Variants in SF3A3 observed in about 807,000 individuals in gnomAD.
SF3A3 encodes the protein SAP 61.
Under a neutral mutation model 85.8 loss-of-function variants are expected in SF3A3, and 9 were observed. That is an observed-to-expected ratio of 0.10 (90% CI 0.06 to 0.18). The LOEUF (loss-of-function observed/expected upper bound fraction) is 0.18, where lower values mean the gene tolerates loss of function less well. Among genes scored for constraint, SF3A3 ranks in the 10% least tolerant of loss-of-function variants. The pLI, the probability that SF3A3 is intolerant of heterozygous loss-of-function variation, is 1.00. For missense variants in SF3A3, 306 were observed against 593.3 expected (o/e 0.52, Z 5.03); for synonymous variants, 195 against 204.4 (o/e 0.95, Z 0.39).
chr1:37,967,917 T>G (rs567644282), intron 15 of SF3A3, 127 bp downstream of exon 15: 2 of 667,912 alleles, frequency 3.0e-6, no homozygotes, highest in Admixed American at 2.3e-5. Context: ...ATTATACAAC[T>G]GTCCTAGATT....
chr1:37,989,501 T>C, intron 2 of SF3A3, 47 bp downstream of exon 2: 2 of 1,600,988 alleles, frequency 1.2e-6, no homozygotes, highest in Non-Finnish European at 1.7e-6. Context: ...CCCCTCTCTT[T>C]TCCCGCCCTC....
chr1:37,981,683 T>C (rs1188740731), intron 7 of SF3A3, 46 bp downstream of exon 7: 1 of 1,189,820 alleles, frequency 8.4e-7, no homozygotes, highest in South Asian at 1.3e-5. Context: ...CTTCACATTA[T>C]CTTCTAATCA....
intron 12 of SF3A3, among the ~76,000 whole-genome samples, chr1:37,974,406 C>T (rs1204780948): frequency 4.7e-5 from 7 of 149,796 alleles, no homozygotes; most frequent in African/African-American, 1.5e-4. Context: ...GGGTTCATGC[C>T]ATTCTCCTGC....
intron 15 of SF3A3, among the ~76,000 whole-genome samples, chr1:37,967,258 CA>C (rs1381059665): frequency 2.2e-5 from 3 of 138,956 alleles, no homozygotes; most frequent in Non-Finnish European, 4.7e-5. Flanking sequence ...GTCTCAGAAA[CA>C]AAGGCTGGGC....
At chr1:37,959,544 GACT>G (rs1418439631) in intron 16 of SF3A3, among the ~76,000 whole-genome samples, 13 of 152,004 alleles carry the variant, frequency 8.6e-5, no homozygotes, top group Non-Finnish European at 4.4e-5. Context: ...AATTAGCTGG[GACT>G]ACTAGCATGC....
chr1:37,957,270 A>G lies in SF3A3; in HGVS notation c.*916T>C, dbSNP rs750307585. 13 of 152,090 alleles carry G rather than the reference A, an allele frequency of 8.5e-5. No individual in the cohort carries two copies. The highest frequency in any genetic ancestry group is 7.2e-4 in the Admixed American group (11 of 15,262). The allele number at this position is 152,090 out of a possible 1,614,324, so 9.4% of individuals were successfully genotyped here. A position where few individuals can be genotyped will look rare whatever the true frequency, so the allele number is the denominator to read the frequency against. ...GGGATCTTGTAGAAGAAACAGGTAG[A>G]CAGACCCACCAGTCTCTCATTCTGA... On this transcript the variant is annotated 3_prime_UTR_variant, in exon 17 of 17. Coordinates refer to ENST00000373019, the MANE Select transcript of SF3A3 (RefSeq NM_006802.4).
intron 1 of SF3A3, 136 bp downstream of exon 1, chr1:37,989,734 G>T: frequency 8.0e-7 from 1 of 1,243,188 alleles, no homozygotes; most frequent in Non-Finnish European, 1.1e-6. Flanking sequence ...CCGGGAGGAG[G>T]TTACCAAGAC....
chr1:37,974,451 C>T (rs1460835900), intron 12 of SF3A3, among the ~76,000 whole-genome samples: 1 of 151,846 alleles, frequency 6.6e-6, no homozygotes, highest in African/African-American at 2.4e-5. Flanking sequence ...TACAGATGCC[C>T]GCCACTATGC....
At position 37,974,094 on chromosome 1, in the gene SF3A3, C is replaced by T. The variant is rs565833056; in HGVS notation, c.1005+2790G>A. Reference sequence around the variant, plus strand: ...CGGGACCTGTTGTGGGGTTGGAGGACGGGGGAGGGATAGCATTAGGAGATA... The same window carrying T: ...CGGGACCTGTTGTGGGGTTGGAGGATGGGGGAGGGATAGCATTAGGAGATA... On this transcript the variant is annotated intron_variant, in intron 12 of 16. Coordinates refer to ENST00000373019, the MANE Select transcript of SF3A3 (RefSeq NM_006802.4). Among the ~76,000 whole-genome samples, 43 of 151,550 alleles carry T rather than the reference C, an allele frequency of 2.8e-4. 1 individual carries two copies. The South Asian group carries it at 6.1e-3, about 21-fold the overall frequency.
intron 16 of SF3A3, among the ~76,000 whole-genome samples, chr1:37,958,465 T>G (rs1356762122): frequency 1.3e-5 from 2 of 152,210 alleles, no homozygotes; most frequent in African/African-American, 4.8e-5. Flanking sequence ...CCGTGTGCAA[T>G]GAATTAACTT....
At position 37,990,008 on chromosome 1, in the gene SF3A3, C is replaced by G. The variant is rs1487663195; in HGVS notation, c.-43G>C. On this transcript the variant is annotated 5_prime_UTR_variant, in exon 1 of 17. Coordinates refer to ENST00000373019, the MANE Select transcript of SF3A3 (RefSeq NM_006802.4). ...TTCTCAATTCAGACCACCAACACGG[C>G]CGGAAGCAACTCCTGCCGCCCAGCG... is the stretch of plus-strand genomic sequence containing the variant. The G allele has an allele frequency of 1.4e-6, 2 of 1,445,956 alleles. No individual in the cohort carries two copies. Among genetic ancestry groups the G allele is most frequent in the Non-Finnish European group, 1.9e-6 (2 of 1,036,726 alleles). The allele number at this position is 1,445,956 out of a possible 1,614,324, so 89.6% of individuals were successfully genotyped here. A position where few individuals can be genotyped will look rare whatever the true frequency, so the allele number is the denominator to read the frequency against.
At chr1:37,987,072 A>G (rs1423812256) in intron 4 of SF3A3, among the ~76,000 whole-genome samples, 1 of 151,768 alleles carries the variant, frequency 6.6e-6, no homozygotes, top group Non-Finnish European at 1.5e-5. Flanking sequence ...TGCCCACAAA[A>G]TGTGGCCTTG....
At chr1:37,968,467 G>A (rs1439712995) in intron 14 of SF3A3, among the ~76,000 whole-genome samples, 1 of 152,150 alleles carries the variant, frequency 6.6e-6, no homozygotes, top group African/African-American at 2.4e-5. Context: ...ACTTACCAAA[G>A]CCCCAGCAAC....
intron 12 of SF3A3, among the ~76,000 whole-genome samples, 161 bp downstream of exon 12, chr1:37,976,723 T>A (rs868745720): frequency 2.0e-5 from 3 of 152,284 alleles, no homozygotes; most frequent in Non-Finnish European, 4.4e-5. Context: ...AATAGGAACT[T>A]ACTGAAGAGC....
chr1:37,989,483 C>A, intron 2 of SF3A3, 65 bp downstream of exon 2: 1 of 1,566,382 alleles, frequency 6.4e-7, no homozygotes, highest in Admixed American at 1.8e-5. Context: ...AGACACCGCA[C>A]TTCACTTCCC....
rs536064092 is a variant in SF3A3 at position 37,978,654 on chromosome 1, G to T, written c.935+66C>A. 212 of 1,045,576 alleles carry T rather than the reference G, an allele frequency of 2.0e-4. 1 individual carries two copies. The highest frequency in any genetic ancestry group is 5.5e-5 in the Non-Finnish European group (39 of 709,004). The allele number at this position is 1,045,576 out of a possible 1,614,324, so 64.8% of individuals were successfully genotyped here. Reference sequence around the variant, plus strand: ...AGCAGGCTTTAAAGTCTCCACTGTGGTTAAAAATTCTGCATGGGAATAACA... The same window carrying T: ...AGCAGGCTTTAAAGTCTCCACTGTGTTTAAAAATTCTGCATGGGAATAACA... On this transcript the variant is annotated intron_variant, in intron 11 of 16. Coordinates refer to ENST00000373019, the MANE Select transcript of SF3A3 (RefSeq NM_006802.4).
chr1:37,962,193 C>T (rs1646265308), intron 15 of SF3A3, among the ~76,000 whole-genome samples: 1 of 139,138 alleles, frequency 7.2e-6, no homozygotes, highest in Non-Finnish European at 1.5e-5. Context: ...TATGTGCTTA[C>T]TATGTGACAG....
At chr1:37,973,289 G>A (rs4462102) in intron 12 of SF3A3, among the ~76,000 whole-genome samples, 138,273 of 152,300 alleles carry the variant, frequency 0.91, 62,920 homozygotes, top group East Asian at 1. Flanking sequence ...AGGCATGGGC[G>A]AGGACTTCAT....
chr1:37,987,235 T>C (rs1646463669), intron 4 of SF3A3, among the ~76,000 whole-genome samples: 1 of 152,178 alleles, frequency 6.6e-6, no homozygotes, highest in Admixed American at 6.5e-5. Context: ...CATGCCACCA[T>C]GCCTGGCTAA....
Sources: gnomAD v4.1 joint callset for allele counts (sites outside exome capture counted in the v4.1 genomes callset) on GRCh38, gnomAD v4.1.1 for gene constraint, MANE v1.5 for transcripts, NCBI Gene and HGNC (gene_info 2026-07-23, HGNC 2026-07-21) for gene names.